Variants in SLC8A1 observed in about 807,000 individuals in gnomAD.
SLC8A1 encodes solute carrier family 8 member A1, also known as sodium/calcium exchanger 1.
A neutral mutation model predicts 68.3 loss-of-function variants in SLC8A1; 18 were observed. The ratio of observed to expected loss-of-function variants is 0.26; its 90% CI spans 0.18 to 0.39. SLC8A1 has a LOEUF of 0.39. Ranked by LOEUF, SLC8A1 falls within the 10% of genes least tolerant of loss-of-function variation. SLC8A1 has a pLI of 1.00. For synonymous variants in SLC8A1, 475 were observed against 415.5 expected, an observed-to-expected ratio of 1.14 and a Z score of -1.74; for missense variants, 985 against 1,156.7, an observed-to-expected ratio of 0.85 and a Z score of 2.15.
At chr2:40,144,072 C>T (rs140899983) in intron 6 of SLC8A1, among the ~76,000 whole-genome samples, 1 of 152,154 alleles carries the variant, frequency 6.6e-6, no homozygotes, top group African/African-American at 2.4e-5. Flanking sequence ...TCTTTATAGA[C>T]AAATGTGCCA....
At chr2:40,372,687 A>G (rs1678517260) in intron 2 of SLC8A1, among the ~76,000 whole-genome samples, 1 of 152,066 alleles carries the variant, frequency 6.6e-6, no homozygotes, top group African/African-American at 2.4e-5. Flanking sequence ...ATTTTCCTGC[A>G]TTCTTTCTAT....
At chr2:40,185,637 G>A (rs886575463) in intron 2 of SLC8A1, among the ~76,000 whole-genome samples, 1 of 152,086 alleles carries the variant, frequency 6.6e-6, no homozygotes, top group African/African-American at 2.4e-5. Flanking sequence ...GACTGCTGAT[G>A]GGTATTTGGA....
intron 1 of SLC8A1, among the ~76,000 whole-genome samples, chr2:40,457,148 T>C (rs1703070267): frequency 6.6e-6 from 1 of 152,208 alleles, no homozygotes; most frequent in Non-Finnish European, 1.5e-5. Flanking sequence ...TCACATTACA[T>C]TAATTTTATT....
chr2:40,164,161 G>GGGGACAGA (rs3059335), intron 5 of SLC8A1, among the ~76,000 whole-genome samples: 117,290 of 151,270 alleles, frequency 0.78, 46,033 homozygotes, highest in East Asian at 0.99. Flanking sequence ...AGGGATGGGA[G>GGGGACAGA]GGGACAGAGG....
In SLC8A1 at chr2:40,347,242, G is replaced by A. The variant is rs377060005; in HGVS notation, c.1808+81231C>T. Among the ~76,000 whole-genome samples, 121 of 152,280 alleles carry A rather than the reference G, an allele frequency of 7.9e-4. 2 individuals are homozygous for A. The highest frequency in any genetic ancestry group is 2.9e-3 in the African/African-American group (119 of 41,558). Reference sequence around the variant, plus strand: ...CCCAAACCACTGGCCTCAAACGATCGTTCCAACCTTGGCCTCCCAAAGTGC... The same window carrying A: ...CCCAAACCACTGGCCTCAAACGATCATTCCAACCTTGGCCTCCCAAAGTGC... On this transcript the variant is annotated intron_variant, in intron 2 of 7. Coordinates refer to ENST00000406785, the Ensembl canonical transcript of SLC8A1.
intron 2 of SLC8A1, among the ~76,000 whole-genome samples, chr2:40,420,471 C>T (rs1051084050): frequency 6.6e-6 from 1 of 151,872 alleles, no homozygotes; most frequent in African/African-American, 2.4e-5. Flanking sequence ...CAGGCAATGA[C>T]AGAAAACTAG....
intron 6 of SLC8A1, among the ~76,000 whole-genome samples, chr2:40,156,360 G>GTTTTT (rs71404280): frequency 7.1e-6 from 1 of 140,772 alleles, no homozygotes; most frequent in Non-Finnish European, 1.5e-5. Flanking sequence ...AACTGCTGGA[G>GTTTTT]TTTTTTTTTT....
intron 1 of SLC8A1, among the ~76,000 whole-genome samples, chr2:40,464,067 G>A (rs1703512449): frequency 6.6e-6 from 1 of 152,040 alleles, no homozygotes; most frequent in Non-Finnish European, 1.5e-5. Context: ...GCTAGTTATT[G>A]TATTTTTAGT....
chr2:40,180,504 C>T (rs1400841820), intron 2 of SLC8A1, among the ~76,000 whole-genome samples: 1 of 152,158 alleles, frequency 6.6e-6, no homozygotes, highest in East Asian at 1.9e-4. Context: ...TTTAGTGGTA[C>T]ATTTCTACAA....
At position 40,465,061 on chromosome 2, in the gene SLC8A1, T is replaced by C. The variant is rs983614017; in HGVS notation, c.-24-34757A>G. On this transcript the variant is annotated intron_variant, in intron 1 of 7. Coordinates refer to the SLC8A1 transcript ENST00000402441. ...GAGAGGGTAGATAATATCTCTCTTCTTTGCAAATCTCTAGAGAAGAAGTTG... is the reference window on the plus strand; with the variant it reads ...GAGAGGGTAGATAATATCTCTCTTCCTTGCAAATCTCTAGAGAAGAAGTTG... 1.3e-3 allele frequency among the ~76,000 whole-genome samples: 198 copies of C among 152,282 alleles called. 2 individuals are homozygous for C. Among genetic ancestry groups the C allele is most frequent in the African/African-American group, 4.6e-3 (190 of 41,558 alleles).
chr2:40,371,331 G>T (rs905531085), intron 2 of SLC8A1, among the ~76,000 whole-genome samples: 1 of 152,082 alleles, frequency 6.6e-6, no homozygotes, highest in African/African-American at 2.4e-5. Context: ...TTCAGAAATA[G>T]GGTGGACTTT....
intron 2 of SLC8A1, among the ~76,000 whole-genome samples, chr2:40,352,810 C>A (rs924072529): frequency 1.2e-4 from 19 of 152,132 alleles, no homozygotes; most frequent in African/African-American, 4.3e-4. Flanking sequence ...CAGGATTCCA[C>A]GTTACTAAGG....
chr2:40,451,737 T>TCTCACACACACACACA (rs1491295790), intron 1 of SLC8A1, among the ~76,000 whole-genome samples, 167 bp downstream of exon 1: 1 of 133,664 alleles, frequency 7.5e-6, no homozygotes. Context: ...ACACACCACA[T>TCTCACACACACACACA]CACACACACA....
At chr2:40,452,920 A>C (rs1702731101), upstream of SLC8A1, among the ~76,000 whole-genome samples, 1 of 152,134 alleles carries the variant, frequency 6.6e-6, no homozygotes, top group Admixed American at 6.6e-5. Flanking sequence ...CCGAGCATTA[A>C]GGTTGAGTGG....
chr2:40,337,778 A>C (rs1403412414), intron 2 of SLC8A1, among the ~76,000 whole-genome samples: 1 of 152,110 alleles, frequency 6.6e-6, no homozygotes, highest in Non-Finnish European at 1.5e-5. Context: ...GATTCTATGA[A>C]GTTTTCTTAT....
chr2:40,426,539 A>G (rs1200289721), intron 2 of SLC8A1, among the ~76,000 whole-genome samples: 2 of 152,134 alleles, frequency 1.3e-5, no homozygotes, highest in African/African-American at 2.4e-5. Context: ...CGTACCACCC[A>G]AAAGAAGGTT....
chr2:40,207,659 G>A (rs1291080456), intron 2 of SLC8A1, among the ~76,000 whole-genome samples: 1 of 151,948 alleles, frequency 6.6e-6, no homozygotes, highest in Non-Finnish European at 1.5e-5. Context: ...TAAAAAATAT[G>A]GGCATAATGT....
Position 40,482,163 on chromosome 2 carries a change from T to A in SLC8A1, c.-25+30186A>T, listed in dbSNP as rs535327038. On this transcript the variant is annotated intron_variant, in intron 1 of 7. Transcript: ENST00000402441. Reference sequence around the variant, plus strand: ...GCAATAAGATATTGTTGACTATAGCTACACCAAGTTTCTACATTTTAAAAA... The same window carrying A: ...GCAATAAGATATTGTTGACTATAGCAACACCAAGTTTCTACATTTTAAAAA... 1.1e-4 allele frequency among the ~76,000 whole-genome samples: 17 copies of A among 152,326 alleles called. No homozygotes were observed. In the South Asian group the frequency reaches 3.5e-3, roughly 32 times the overall value.
chr2:40,323,359 G>T (rs1440782016), intron 2 of SLC8A1, among the ~76,000 whole-genome samples: 5 of 152,028 alleles, frequency 3.3e-5, no homozygotes, highest in African/African-American at 1.2e-4. Flanking sequence ...AAGCTCACAG[G>T]TCTTGCAAAT....
Sources: allele counts gnomAD v4.1 joint callset (sites outside exome capture counted in the v4.1 genomes callset), GRCh38; gene constraint gnomAD v4.1.1; transcripts MANE v1.5; gene names NCBI Gene and HGNC (gene_info 2026-07-23, HGNC 2026-07-21).